The following DNAJC21 variants were observed in gnomAD, a reference collection of about 807,000 sequenced individuals.
DNAJC21 encodes DnaJ heat shock protein family (Hsp40) member C21, also known as dnaJ homolog subfamily C member 21.
A neutral mutation model predicts 72.4 loss-of-function variants in DNAJC21; 63 were observed. The ratio of observed to expected loss-of-function variants is 0.87; its 90% CI spans 0.71 to 1.07. The LOEUF is 1.07. Ranked by LOEUF, DNAJC21 falls within the 50% of genes least tolerant of loss-of-function variation. The pLI, the probability that DNAJC21 is intolerant of heterozygous loss-of-function variation, is 0.00. For synonymous variants in DNAJC21, 203 were observed against 216.7 expected (o/e 0.94, Z 0.56); for missense variants, 634 against 644.8 (o/e 0.98, Z 0.18).
chr5:34,949,566 T>C (rs773488032), intron 9 of DNAJC21: 1 of 1,561,896 alleles, frequency 6.4e-7, no homozygotes. Flanking sequence ...AAGATTCATA[T>C]CTGCCTGCAG....
chr5:34,938,636 A>C (rs563144480), intron 5 of DNAJC21, among the ~76,000 whole-genome samples: 1 of 152,366 alleles, frequency 6.6e-6, no homozygotes, highest in East Asian at 1.9e-4. Context: ...TTCATGTTTC[A>C]AAACCTGTTA....
At chr5:34,934,280 G>A (rs1209687542) in intron 2 of DNAJC21, among the ~76,000 whole-genome samples, 1 of 152,024 alleles carries the variant, frequency 6.6e-6, no homozygotes, top group Non-Finnish European at 1.5e-5. Context: ...CCAGGCTGGA[G>A]TGCAGTGGCG....
Position 34,929,885 on chromosome 5 carries a change from C to G in DNAJC21, c.66C>G (p.Ala22=). ...CCAGCGAGGAGGAGCTCAAGAAGGC[C>G]TATCGGAAGCTGGCCCTGAAATGGC... ...RDASEEELKK[A]YRKLALKWHP... Residue 22 remains alanine (A), a synonymous_variant, in exon 1 of 12, where the codon GCC becomes GCG. Coordinates refer to ENST00000648817, the MANE Select transcript of DNAJC21 (RefSeq NM_001012339.3). 1.3e-6 allele frequency: 2 copies of G among 1,584,798 alleles called. No individual in the cohort carries two copies. The highest frequency in any genetic ancestry group is 1.7e-6 in the Non-Finnish European group (2 of 1,166,394).
chr5:34,949,418 A>G, intron 9 of DNAJC21: 1 of 1,421,042 alleles, frequency 7.0e-7, no homozygotes, highest in South Asian at 1.4e-5. Context: ...TACACCCCCT[A>G]TCCTGTATAT....
intron 1 of DNAJC21, 55 bp downstream of exon 1, chr5:34,929,971 G>GACCTTCCCT: frequency 7.1e-7 from 1 of 1,406,588 alleles, no homozygotes; most frequent in East Asian, 2.8e-5. Flanking sequence ...GGCCCTCCCC[G>GACCTTCCCT]ACCTTCCCTT....
chr5:34,938,269 C>T (rs547067773), intron 5 of DNAJC21, among the ~76,000 whole-genome samples: 1 of 152,322 alleles, frequency 6.6e-6, no homozygotes, highest in South Asian at 2.1e-4. Context: ...CTGTGAAGTA[C>T]TTATCCTCCT....
At chr5:34,934,010 G>A in intron 2 of DNAJC21, 102 bp downstream of exon 2, 2 of 1,002,196 alleles carry the variant, frequency 2.0e-6, no homozygotes, top group South Asian at 1.7e-5. Flanking sequence ...ATGGTTTTTG[G>A]TGTGTTCTGA....
chr5:34,944,963 A>G lies in DNAJC21; in HGVS notation c.1080A>G (p.Gln360=). Residue 360 remains glutamine, a synonymous_variant, in exon 8 of 12, where the codon CAA becomes CAG. Transcript: ENST00000648817. ...AAGAAGAAAATTTTTCAAGACCTCA[A>G]ATTGATGAAAATCCATTAGATGACA... The part of the protein sequence containing the change: ...EEEEENFSRP[Q]IDENPLDDNS... 1 of 1,614,222 alleles carries G rather than the reference A, an allele frequency of 6.2e-7. No individual in the cohort carries two copies. Among genetic ancestry groups the G allele is most frequent in the Admixed American group, 1.7e-5 (1 of 60,020 alleles).
At chr5:34,939,811 T>C (rs1764928671) in intron 6 of DNAJC21, among the ~76,000 whole-genome samples, 1 of 152,180 alleles carries the variant, frequency 6.6e-6, no homozygotes, top group African/African-American at 2.4e-5. Context: ...AATAGCTGTA[T>C]ATCTGATTTT....
chr5:34,941,603 G>A (rs1489616598), intron 7 of DNAJC21, among the ~76,000 whole-genome samples: 1 of 113,074 alleles, frequency 8.8e-6, no homozygotes, highest in Admixed American at 1.4e-4. Flanking sequence ...GTCTCACTCT[G>A]TTGCCCCGGC....
At chr5:34,946,242 G>C (rs1203992608) in intron 9 of DNAJC21, among the ~76,000 whole-genome samples, 2 of 152,194 alleles carry the variant, frequency 1.3e-5, no homozygotes, top group South Asian at 4.1e-4. Flanking sequence ...TAATGATTGT[G>C]AGTCTTGAAA....
intron 1 of DNAJC21, among the ~76,000 whole-genome samples, chr5:34,932,285 G>A (rs1764623610): frequency 6.6e-6 from 1 of 152,078 alleles, no homozygotes; most frequent in Non-Finnish European, 1.5e-5. Context: ...GCTGGGCGTG[G>A]TGGCGCACGC....
Position 34,929,933 on chromosome 5 carries a change from C to T in DNAJC21, c.97+17C>T. The T allele has an allele frequency of 6.5e-7, 1 of 1,547,818 alleles. No individual in the cohort carries two copies. Among genetic ancestry groups the T allele is most frequent in the East Asian group, 2.5e-5 (1 of 39,384 alleles). On this transcript the variant is annotated intron_variant, in intron 1 of 11. Transcript: ENST00000648817. ...GGCACCCGGGTAAGTACCTGTCCCG[C>T]AGCCCCCGCGGCCACTCGGAGAAGC... is the stretch of plus-strand genomic sequence containing the variant.
chr5:34,932,513 A>G (rs1000530594), intron 1 of DNAJC21, among the ~76,000 whole-genome samples: 1 of 152,188 alleles, frequency 6.6e-6, no homozygotes, highest in Non-Finnish European at 1.5e-5. Flanking sequence ...GCTGTGTAAC[A>G]AATTACCAAT....
At chr5:34,952,123 ATGTG>A (rs3220525) in intron 10 of DNAJC21, 77 of 946,892 alleles carry the variant, frequency 8.1e-5, no homozygotes, top group South Asian at 4.9e-4. Flanking sequence ...TTTTTAAAAA[ATGTG>A]TGTGTGTGTG....
chr5:34,951,215 G>C, intron 10 of DNAJC21: 1 of 985,480 alleles, frequency 1.0e-6, no homozygotes, highest in South Asian at 4.7e-5. Flanking sequence ...TAATGTTGAA[G>C]CTTTGAAGAA....
chr5:34,946,985 G>C (rs1223728676), intron 9 of DNAJC21, among the ~76,000 whole-genome samples: 1 of 152,076 alleles, frequency 6.6e-6, no homozygotes, highest in African/African-American at 2.4e-5. Context: ...AGCAAGTTCA[G>C]ACCTAGCTTG....
chr5:34,938,005 C>T (rs1217238190), intron 5 of DNAJC21, among the ~76,000 whole-genome samples: 1 of 151,996 alleles, frequency 6.6e-6, no homozygotes, highest in Non-Finnish European at 1.5e-5. Context: ...ACCCTGTTGG[C>T]CAGTCTGGTC....
In DNAJC21 at chr5:34,946,208, A is replaced by T. The variant is rs368006149; in HGVS notation, c.1185+405A>T. On this transcript the variant is annotated intron_variant, in intron 9 of 11. Coordinates refer to ENST00000648817, the MANE Select transcript of DNAJC21 (RefSeq NM_001012339.3). ...TCTGCCAACAACATAAACATTGCAA[A>T]AGGAACATTTGGTTAGAAACTTGTA... is the stretch of plus-strand genomic sequence containing the variant. 3.3e-5 allele frequency among the ~76,000 whole-genome samples: 5 copies of T among 152,140 alleles called. No individual in the cohort carries two copies. In the East Asian group the frequency reaches 9.6e-4, roughly 29 times the overall value.
Sources: gnomAD v4.1 joint callset for allele counts (sites outside exome capture counted in the v4.1 genomes callset) on GRCh38, gnomAD v4.1.1 for gene constraint, MANE v1.5 for transcripts, NCBI Gene and HGNC (gene_info 2026-07-23, HGNC 2026-07-21) for gene names.